The following FAM193A variants were observed in gnomAD, a reference collection of about 807,000 sequenced individuals.
FAM193A encodes family with sequence similarity 193 member A, also known as protein FAM193A.
A neutral mutation model predicts 126.5 loss-of-function variants in FAM193A; 22 were observed. The observed-to-expected ratio is 0.17, with a 90% CI of 0.12 to 0.25. The LOEUF (loss-of-function observed/expected upper bound fraction) is 0.25, where lower values mean the gene tolerates loss of function less well. Among genes scored for constraint, FAM193A ranks in the 10% least tolerant of loss-of-function variants. FAM193A has a pLI of 1.00. For missense variants in FAM193A, 1,675 were observed against 1,672.8 expected, an observed-to-expected ratio of 1.00 and a Z score of -0.02; for synonymous variants, 761 against 646.8, an observed-to-expected ratio of 1.18 and a Z score of -2.68.
intron 16 of FAM193A, 31 bp from the exon 17 acceptor site, chr4:2,694,915 C>T (rs1356196110): frequency 6.4e-7 from 1 of 1,555,246 alleles, no homozygotes; most frequent in Admixed American, 2.1e-5. Context: ...GGGCCGGCCA[C>T]TTGCTGATGA....
intron 1 of FAM193A, among the ~76,000 whole-genome samples, chr4:2,586,758 A>C (rs555722397): frequency 6.6e-6 from 1 of 152,122 alleles, no homozygotes; most frequent in Non-Finnish European, 1.5e-5. Flanking sequence ...GGCTCAAGCA[A>C]TCTTCCCACC....
At chr4:2,547,558 G>T (rs1369417468) in intron 1 of FAM193A, among the ~76,000 whole-genome samples, 1 of 150,280 alleles carries the variant, frequency 6.7e-6, no homozygotes, top group East Asian at 2.0e-4. Context: ...CCTAAAACTA[G>T]ACAGACAGTT....
At chr4:2,549,648 A>G (rs370613032) in intron 1 of FAM193A, among the ~76,000 whole-genome samples, 4,303 of 151,744 alleles carry the variant, frequency 0.028, 218 homozygotes, top group African/African-American at 0.098. Flanking sequence ...CGCCCGCCTC[A>G]GCCTCCCAAA....
intron 20 of FAM193A, among the ~76,000 whole-genome samples, chr4:2,729,979 C>T (rs536927941): frequency 6.6e-6 from 1 of 152,272 alleles, no homozygotes; most frequent in East Asian, 1.9e-4. Context: ...CATCACAGCT[C>T]ACTGCAGCCT....
chr4:2,552,253 C>T (rs907969465), intron 1 of FAM193A, among the ~76,000 whole-genome samples: 3 of 151,896 alleles, frequency 2.0e-5, no homozygotes, highest in Non-Finnish European at 2.9e-5. Flanking sequence ...CCTCATGATC[C>T]GCCCGCCTCG....
Position 2,596,214 on chromosome 4 carries a change from C to T in FAM193A, c.386C>T (p.Ala129Val). 1 of 702,992 alleles carries T rather than the reference C, an allele frequency of 1.4e-6. No homozygotes were observed. Among genetic ancestry groups the T allele is most frequent in the Non-Finnish European group, 2.6e-6 (1 of 384,998 alleles). The allele number at this position is 702,992 out of a possible 1,614,324, so 43.5% of individuals were successfully genotyped here. Reference protein sequence around the residue: ...ESGIKTASKLALSMAPKGNSV... With the variant: ...ESGIKTASKLVLSMAPKGNSV... ...GGAATTAAGACTGCGAGCAAATTGG[C>T]CCTTTCCATGGCTCCCAAGGGCAAC... Residue 129 changes from alanine (A) to valine (V), a missense_variant, in exon 2 of 21, where the codon GCC becomes GTC. Physicochemically the swap from Ala to Val is moderately conservative, Grantham distance 64. Coordinates refer to ENST00000637812, the MANE Select transcript of FAM193A (RefSeq NM_001366318.2).
At position 2,590,506 on chromosome 4, in the gene FAM193A, CAA is replaced by C. The variant is rs150589938; in HGVS notation, c.256-5569_256-5568del. 7.4e-3 allele frequency among the ~76,000 whole-genome samples: 245 copies of C among 33,222 alleles called. 55 individuals are homozygous for C. Among genetic ancestry groups the C allele is most frequent in the African/African-American group, 0.058 (235 of 4,082 alleles). 21.8% of individuals were successfully genotyped at this position (33,222 alleles called of 152,430 possible). The stretch of plus-strand genomic sequence containing the variant: ...AAAAACAAAAAAAAACAAAAAAAAA[CAA>C]AAAAAAAACAAAACAAAATTAAAAA... On this transcript the variant is annotated intron_variant, in intron 1 of 20. Coordinates refer to ENST00000637812, the MANE Select transcript of FAM193A (RefSeq NM_001366318.2).
intron 5 of FAM193A, among the ~76,000 whole-genome samples, chr4:2,635,095 A>G (rs1173770700): frequency 1.3e-5 from 2 of 152,184 alleles, no homozygotes; most frequent in Non-Finnish European, 2.9e-5. Context: ...CCACAGTTCC[A>G]TTGTCACATC....
intron 12 of FAM193A, among the ~76,000 whole-genome samples, chr4:2,664,585 G>C (rs1251727962): frequency 2.6e-4 from 1 of 3,914 alleles, no homozygotes; most frequent in African/African-American, 6.1e-4. Flanking sequence ...TTTTTTTTTT[G>C]AGATGGAGTC....
chr4:2,603,642 G>A (rs1246587169), intron 2 of FAM193A, among the ~76,000 whole-genome samples: 1 of 151,426 alleles, frequency 6.6e-6, no homozygotes. Flanking sequence ...TGTATTTTTA[G>A]TAGAGACGGG....
In FAM193A at chr4:2,731,894, G is replaced by C. The variant is rs754491443; in HGVS notation, c.*26G>C. The C allele has an allele frequency of 8.4e-6, 13 of 1,551,692 alleles. No homozygotes were observed. The highest frequency in any genetic ancestry group is 1.2e-5 in the Non-Finnish European group (13 of 1,124,000). ...ATGAGGACTCCCTGGAGAGGGACAC[G>C]CGAGAGGCAGGCCAGGCTGCACCAC... On this transcript the variant is annotated 3_prime_UTR_variant, in exon 21 of 21. Coordinates refer to ENST00000637812, the MANE Select transcript of FAM193A (RefSeq NM_001366318.2).
intron 1 of FAM193A, among the ~76,000 whole-genome samples, chr4:2,566,678 ACT>A (rs1308421601): frequency 5.9e-5 from 9 of 151,764 alleles, no homozygotes; most frequent in Non-Finnish European, 1.5e-5. Flanking sequence ...ACAGAGTGAG[ACT>A]CTGTCTCAAA....
Position 2,663,003 on chromosome 4 carries a change from G to A in FAM193A, c.1899+12G>A, listed in dbSNP as rs758113708. 5.6e-6 allele frequency: 9 copies of A among 1,602,994 alleles called. No homozygotes were observed. The highest frequency in any genetic ancestry group is 2.2e-5 in the East Asian group (1 of 44,582). On this transcript the variant is annotated intron_variant, in intron 11 of 20. Transcript: ENST00000637812. ...CCCTGAAGGATGAGGTATGGACATGGCTTCTTCGTAGCAACAATAAATGAC... is the reference window on the plus strand; with the variant it reads ...CCCTGAAGGATGAGGTATGGACATGACTTCTTCGTAGCAACAATAAATGAC...
chr4:2,552,821 G>A (rs1560437804), intron 1 of FAM193A, among the ~76,000 whole-genome samples: 1 of 149,938 alleles, frequency 6.7e-6, no homozygotes, highest in South Asian at 2.1e-4. Flanking sequence ...ACAGGTGTGA[G>A]CCACCGCGCC....
intron 1 of FAM193A, among the ~76,000 whole-genome samples, chr4:2,590,527 T>G (rs1424153428): frequency 1.1e-5 from 1 of 92,596 alleles, no homozygotes; most frequent in African/African-American, 4.8e-5. Flanking sequence ...CAAAACAAAA[T>G]TAAAAAACAG....
At chr4:2,603,116 C>T (rs1741306900) in intron 2 of FAM193A, among the ~76,000 whole-genome samples, 1 of 147,884 alleles carries the variant, frequency 6.8e-6, no homozygotes, top group Non-Finnish European at 1.5e-5. Context: ...TTACAGGCGC[C>T]CACCACCATG....
chr4:2,657,669 C>A, intron 7 of FAM193A, 134 bp from the exon 8 acceptor site: 3 of 610,502 alleles, frequency 4.9e-6, no homozygotes, highest in East Asian at 2.7e-5. Context: ...AGTATTGTAT[C>A]TTTATTCTGT....
At chr4:2,662,633 C>G (rs1037317285) in intron 10 of FAM193A, among the ~76,000 whole-genome samples, 1 of 152,128 alleles carries the variant, frequency 6.6e-6, no homozygotes, top group Non-Finnish European at 1.5e-5. Context: ...TTTTACTCTT[C>G]CAAATGGCAC....
At chr4:2,601,438 TTGGCCAGGC>T (rs1741192567) in intron 2 of FAM193A, among the ~76,000 whole-genome samples, 1 of 152,144 alleles carries the variant, frequency 6.6e-6, no homozygotes, top group Admixed American at 6.5e-5. Context: ...TTTCGCCATG[TTGGCCAGGC>T]TGTTCTCTAA....
Sources: allele counts gnomAD v4.1 joint callset (sites outside exome capture counted in the v4.1 genomes callset), GRCh38; gene constraint gnomAD v4.1.1; transcripts MANE v1.5; gene names NCBI Gene and HGNC (gene_info 2026-07-23, HGNC 2026-07-21).